The following CRISPLD2 variants were observed in gnomAD, a reference collection of about 807,000 sequenced individuals.
CRISPLD2 encodes the protein cysteine-rich secretory protein LCCL domain-containing 2.
A neutral mutation model predicts 71.1 loss-of-function variants in CRISPLD2; 47 were observed. The observed-to-expected ratio is 0.66, with a 90% CI of 0.52 to 0.84. The LOEUF (loss-of-function observed/expected upper bound fraction) is 0.84. Ranked by LOEUF, CRISPLD2 falls within the 40% of genes least tolerant of loss-of-function variation. The pLI, the probability that CRISPLD2 is intolerant of heterozygous loss-of-function variation, is 0.00. For synonymous variants in CRISPLD2, 317 were observed against 250.1 expected (o/e 1.27, Z -2.52); for missense variants, 830 against 651.1 (o/e 1.27, Z -2.99).
rs1917560119 is a variant in CRISPLD2, at chr16:84,867,034, T to C, written c.847T>C (p.Tyr283His). ...GCCCAAGAAAACCTCTGCGGTCAAC[T>C]ACATGAGTGAGTCTAGGCCGTCCTC... Reference protein sequence around the residue: ...TKPKKTSAVNYMTQVVRCDTK... With the variant: ...TKPKKTSAVNHMTQVVRCDTK... The change falls in exon 7 of 15, where the codon TAC (tyrosine) becomes CAC (histidine). Residue 283 changes from tyrosine (Y) to histidine (H), a missense_variant. Transcript: ENST00000262424. The C allele has an allele frequency of 3.7e-6, 6 of 1,614,004 alleles. No homozygotes were observed. Among genetic ancestry groups the C allele is most frequent in the Non-Finnish European group, 3.4e-6 (4 of 1,179,990 alleles).
intron 11 of CRISPLD2, among the ~76,000 whole-genome samples, chr16:84,875,677 C>T (rs2071512430): frequency 6.6e-6 from 1 of 151,564 alleles, no homozygotes; most frequent in Non-Finnish European, 1.5e-5. Context: ...CTGCCTTAGC[C>T]TCCTGAGTAG....
chr16:84,823,059 C>T (rs1328185976), intron 1 of CRISPLD2, among the ~76,000 whole-genome samples: 2 of 152,184 alleles, frequency 1.3e-5, no homozygotes, highest in Non-Finnish European at 1.5e-5. Context: ...TCCTTTCTGT[C>T]TCTACGAACT....
At chr16:84,837,447 C>T (rs531507434) in intron 1 of CRISPLD2, among the ~76,000 whole-genome samples, 43 of 148,230 alleles carry the variant, frequency 2.9e-4, no homozygotes, top group South Asian at 6.4e-4. Flanking sequence ...GACGGAGTCT[C>T]GCTCTGTCGC....
At chr16:84,853,605 G>A (rs932399086) in intron 5 of CRISPLD2, among the ~76,000 whole-genome samples, 3 of 152,304 alleles carry the variant, frequency 2.0e-5, no homozygotes, top group Admixed American at 2.0e-4. Context: ...TTGTAAGGAC[G>A]GATGCCTATC....
At chr16:84,832,314 A>G (rs1373132875) in intron 1 of CRISPLD2, among the ~76,000 whole-genome samples, 12 of 152,236 alleles carry the variant, frequency 7.9e-5, no homozygotes, top group Admixed American at 7.8e-4. Flanking sequence ...GCTGTGTCCA[A>G]GATGACACAG....
chr16:84,869,320 C>G (rs909013647), intron 8 of CRISPLD2, among the ~76,000 whole-genome samples: 1 of 152,170 alleles, frequency 6.6e-6, no homozygotes, highest in African/African-American at 2.4e-5. Flanking sequence ...CAGGTGCAGC[C>G]GCCGCACGCA....
intron 14 of CRISPLD2, 38 bp from the exon 15 acceptor site, chr16:84,906,550 A>T: frequency 6.3e-7 from 1 of 1,578,942 alleles, no homozygotes; most frequent in Non-Finnish European, 8.7e-7. Flanking sequence ...GGCCCTCCAG[A>T]TCTCTCAGTA....
chr16:84,823,728 T>C (rs1297985536), intron 1 of CRISPLD2, among the ~76,000 whole-genome samples: 1 of 152,194 alleles, frequency 6.6e-6, no homozygotes, highest in Non-Finnish European at 1.5e-5. Flanking sequence ...TTTGATTGTC[T>C]TGAGTGCTGC....
chr16:84,837,432 TC>T (rs66501238), intron 1 of CRISPLD2, among the ~76,000 whole-genome samples: 61,289 of 138,678 alleles, frequency 0.44, 14,889 homozygotes, highest in South Asian at 0.54. Context: ...TTTTTTTTTT[TC>T]TGAGACGGAG....
chr16:84,838,733 A>G lies in CRISPLD2; in HGVS notation c.238A>G (p.Met80Val). 1 of 1,612,482 alleles carries G rather than the reference A, an allele frequency of 6.2e-7. No homozygotes were observed. The highest frequency in any genetic ancestry group is 8.5e-7 in the Non-Finnish European group (1 of 1,179,800). ...GCCTCAGGCCTCCAACATGGAGTACATGGTGAGCGCCGGCTCCGGCCGCAG... is the reference window on the plus strand; with the variant it reads ...GCCTCAGGCCTCCAACATGGAGTACGTGGTGAGCGCCGGCTCCGGCCGCAG... ...VQPQASNMEY[M>V]TWDDELEKSA... The change falls in exon 2 of 15, where the codon ATG becomes GTG. Residue 80 changes from methionine (M) to valine (V), a missense_variant and splice_region_variant. Transcript: ENST00000262424.
chr16:84,899,880 G>A (rs1449614756), intron 14 of CRISPLD2, among the ~76,000 whole-genome samples: 2 of 152,200 alleles, frequency 1.3e-5, no homozygotes, highest in Non-Finnish European at 2.9e-5. Flanking sequence ...GAGGGACACA[G>A]ACCCCTGGTA....
chr16:84,849,229 G>A (rs372770187), intron 3 of CRISPLD2, 156 bp from the exon 4 acceptor site: 3 of 726,596 alleles, frequency 4.1e-6, no homozygotes, highest in Non-Finnish European at 6.8e-6. Context: ...CGCCTCCTCG[G>A]CCTCCCTCCC....
intron 1 of CRISPLD2, among the ~76,000 whole-genome samples, chr16:84,822,539 G>T (rs1032763829): frequency 6.6e-6 from 1 of 152,184 alleles, no homozygotes; most frequent in Non-Finnish European, 1.5e-5. Flanking sequence ...GACTCAGGAG[G>T]CTTTTTCTTT....
chr16:84,883,412 C>T (rs940143746), intron 13 of CRISPLD2, among the ~76,000 whole-genome samples: 6 of 152,228 alleles, frequency 3.9e-5, no homozygotes, highest in Admixed American at 6.5e-5. Context: ...GGGTGTGGCC[C>T]AGGGAGCTGA....
chr16:84,862,334 C>G (rs1423786287), intron 6 of CRISPLD2, among the ~76,000 whole-genome samples: 1 of 152,082 alleles, frequency 6.6e-6, no homozygotes, highest in African/African-American at 2.4e-5. Flanking sequence ...TCCCGAGTAG[C>G]TGGGACTATA....
chr16:84,904,156 G>A (rs2071780328), intron 14 of CRISPLD2, among the ~76,000 whole-genome samples: 1 of 152,200 alleles, frequency 6.6e-6, no homozygotes, highest in Non-Finnish European at 1.5e-5. Flanking sequence ...CGTCCCTGGT[G>A]TTCTAGAAGG....
At chr16:84,826,464 A>G (rs571053880) in intron 1 of CRISPLD2, among the ~76,000 whole-genome samples, 13 of 152,292 alleles carry the variant, frequency 8.5e-5, no homozygotes, top group Middle Eastern at 3.4e-3. Context: ...CCAGCTACGC[A>G]CATTTACTTA....
At chr16:84,900,306 T>C (rs1460003371) in intron 14 of CRISPLD2, among the ~76,000 whole-genome samples, 3 of 152,118 alleles carry the variant, frequency 2.0e-5, no homozygotes, top group Non-Finnish European at 4.4e-5. Flanking sequence ...TTGCAGATCT[T>C]AGCAGCCTGA....
In CRISPLD2 at chr16:84,849,471, G is replaced by T; in HGVS notation, c.446G>T (p.Trp149Leu). Reference sequence around the variant, plus strand: ...CCCTACCCGAGCGAGTGCAACCCCTGGTGTCCAGAGAGGTGCTCGGGGCCC... The same window carrying T: ...CCCTACCCGAGCGAGTGCAACCCCTTGTGTCCAGAGAGGTGCTCGGGGCCC... ...TYPYPSECNPWCPERCSGPMC... is the reference protein window; with the variant it reads ...TYPYPSECNPLCPERCSGPMC... The change falls in exon 4 of 15, where the codon TGG becomes TTG. Residue 149 changes from tryptophan (W) to leucine (L), a missense_variant. Physicochemically the swap from Trp to Leu is moderately conservative, Grantham distance 61. Transcript: ENST00000262424. 2 of 1,614,118 alleles carry T rather than the reference G, an allele frequency of 1.2e-6. No individual in the cohort carries two copies. Among genetic ancestry groups the T allele is most frequent in the Non-Finnish European group, 1.7e-6 (2 of 1,179,982 alleles).
Sources: gnomAD v4.1 joint callset for allele counts (sites outside exome capture counted in the v4.1 genomes callset) on GRCh38, gnomAD v4.1.1 for gene constraint, MANE v1.5 for transcripts, NCBI Gene and HGNC (gene_info 2026-07-23, HGNC 2026-07-21) for gene names.